Variants in TNIP3 observed in about 807,000 individuals in gnomAD.
The protein encoded by TNIP3 is TNFAIP3 interacting protein 3.
In TNIP3, 34 loss-of-function variants were observed where a neutral mutation model predicts 54.1. The ratio of observed to expected loss-of-function variants is 0.63; its 90% CI spans 0.48 to 0.84. The LOEUF is 0.84. TNIP3 is among the 40% of genes least tolerant of loss of function. The pLI, the probability that TNIP3 is intolerant of heterozygous loss-of-function variation, is 0.00. For synonymous variants in TNIP3, 134 were observed against 136.8 expected (o/e 0.98, Z 0.14); for missense variants, 366 against 387.6 (o/e 0.94, Z 0.47).
chr4:121,222,594 G>C (rs1255595086), intron 1 of TNIP3, among the ~76,000 whole-genome samples: 1 of 152,094 alleles, frequency 6.6e-6, no homozygotes, highest in Non-Finnish European at 1.5e-5. Context: ...GCACTATAAG[G>C]TGACTTTTCT....
intron 9 of TNIP3, among the ~76,000 whole-genome samples, 197 bp downstream of exon 9, chr4:121,141,619 G>T (rs77461353): frequency 0.021 from 3,225 of 152,144 alleles, 76 homozygotes; most frequent in Admixed American, 0.034. Flanking sequence ...TAATTTATTC[G>T]TATCTATGTG....
intron 7 of TNIP3, among the ~76,000 whole-genome samples, chr4:121,143,580 G>C (rs966810253): frequency 6.6e-6 from 1 of 152,114 alleles, no homozygotes; most frequent in Non-Finnish European, 1.5e-5. Flanking sequence ...GGCAATTCTT[G>C]CTGCTTGTGG....
chr4:121,147,872 AG>A (rs1729521856), intron 6 of TNIP3, among the ~76,000 whole-genome samples: 1 of 152,246 alleles, frequency 6.6e-6, no homozygotes, highest in South Asian at 2.1e-4. Flanking sequence ...TTTTAACTAA[AG>A]GTTTATCAAT....
At chr4:121,169,735 C>T (rs1163331224) in intron 3 of TNIP3, among the ~76,000 whole-genome samples, 1 of 152,138 alleles carries the variant, frequency 6.6e-6, no homozygotes, top group Non-Finnish European at 1.5e-5. Flanking sequence ...AGTAAATCAC[C>T]TCTCTTTGAT....
intron 3 of TNIP3, among the ~76,000 whole-genome samples, chr4:121,174,596 T>A (rs1035052989): frequency 6.6e-6 from 1 of 152,008 alleles, no homozygotes; most frequent in African/African-American, 2.4e-5. Context: ...GCCTAAAAAA[T>A]TGCAAACATT....
intron 7 of TNIP3, among the ~76,000 whole-genome samples, chr4:121,145,408 T>C (rs1729369360): frequency 6.6e-6 from 1 of 152,108 alleles, no homozygotes; most frequent in Admixed American, 6.5e-5. Context: ...AATTATACCA[T>C]ACTGCATTTA....
intron 3 of TNIP3, among the ~76,000 whole-genome samples, chr4:121,178,386 G>A (rs1560672692): frequency 6.6e-6 from 1 of 152,168 alleles, no homozygotes; most frequent in Admixed American, 6.5e-5. Flanking sequence ...CTGACCCTCC[G>A]GCAAACACTG....
In TNIP3 at chr4:121,212,811, TAG is replaced by T. The variant is rs144496210; in HGVS notation, c.68+3602_68+3603del. 7.8e-3 allele frequency among the ~76,000 whole-genome samples: 1,188 copies of T among 152,282 alleles called. 18 individuals are homozygous for T. The highest frequency in any genetic ancestry group is 0.027 in the African/African-American group (1,130 of 41,546). ...TCTGCCTTTCCAGAATAGTTTAATT[TAG>T]AGTCAGGTAAGAAGGGGGTTAAAAA... On this transcript the variant is annotated intron_variant, in intron 2 of 12. Coordinates refer to the TNIP3 transcript ENST00000507879.
Position 121,164,079 on chromosome 4 carries a change from C to A in TNIP3, c.47G>T (p.Ser16Ile). 1 of 1,613,724 alleles carries A rather than the reference C, an allele frequency of 6.2e-7. No homozygotes were observed. The highest frequency in any genetic ancestry group is 8.5e-7 in the Non-Finnish European group (1 of 1,179,744). ...TCTTACCTCTTTATGCTCCGTAGAA[C>A]TTTCTGCGGCAATCATTCTAGATGT... ...QGTSRMIAAESSTEHKECAEP... is the reference protein window; with the variant it reads ...QGTSRMIAAEISTEHKECAEP... Residue 16 changes from serine to isoleucine, a missense_variant, in exon 1 of 11, where the codon AGT (serine) becomes ATT (isoleucine). Transcript: ENST00000057513.
intron 10 of TNIP3, chr4:121,137,597 T>C (rs1453518113): frequency 1.6e-5 from 3 of 182,774 alleles, no homozygotes; most frequent in Non-Finnish European, 3.5e-5. Context: ...CAGGCTCCAT[T>C]CACATAGAGT....
At chr4:121,215,392 A>G (rs1198092127) in intron 2 of TNIP3, among the ~76,000 whole-genome samples, 1 of 152,204 alleles carries the variant, frequency 6.6e-6, no homozygotes, top group Non-Finnish European at 1.5e-5. Flanking sequence ...TTGTCTTTAT[A>G]AACAGAAATA....
chr4:121,132,750 G>T, intron 10 of TNIP3, 88 bp from the exon 11 acceptor site: 2 of 1,142,828 alleles, frequency 1.8e-6, no homozygotes, highest in Non-Finnish European at 1.2e-6. Context: ...AAAGTTCCAG[G>T]ATGGCAAAAA....
At chr4:121,160,910 A>C (rs929791616) in intron 2 of TNIP3, among the ~76,000 whole-genome samples, 1 of 152,198 alleles carries the variant, frequency 6.6e-6, no homozygotes, top group Non-Finnish European at 1.5e-5. Flanking sequence ...CAGACTTATG[A>C]CTTTGTCGTT....
chr4:121,183,057 G>C (rs1724806255), intron 2 of TNIP3, among the ~76,000 whole-genome samples: 1 of 152,184 alleles, frequency 6.6e-6, no homozygotes, highest in South Asian at 2.1e-4. Context: ...GGCAAGAATT[G>C]AATCGAACAC....
chr4:121,196,876 T>A (rs1432897954), intron 2 of TNIP3, among the ~76,000 whole-genome samples: 1 of 152,084 alleles, frequency 6.6e-6, no homozygotes, highest in Non-Finnish European at 1.5e-5. Context: ...AGATACATAC[T>A]GTTTTATATT....
intron 3 of TNIP3, among the ~76,000 whole-genome samples, chr4:121,173,697 T>C (rs866727046): frequency 5.9e-5 from 9 of 152,146 alleles, no homozygotes; most frequent in African/African-American, 2.2e-4. Flanking sequence ...GGTGAGAACT[T>C]GGCTCACTGA....
intron 10 of TNIP3, among the ~76,000 whole-genome samples, chr4:121,135,128 T>C (rs550229322): frequency 6.6e-6 from 1 of 152,236 alleles, no homozygotes; most frequent in Non-Finnish European, 1.5e-5. Context: ...TGTGCCACCA[T>C]GTCCTGTCAC....
chr4:121,161,247 A>G (rs1382809219), intron 1 of TNIP3, 31 bp from the exon 2 acceptor site: 1 of 1,526,616 alleles, frequency 6.6e-7, no homozygotes, highest in Non-Finnish European at 8.8e-7. Context: ...GAAGATTGAA[A>G]CAAAGCTGTT....
At chr4:121,173,265 T>G (rs1168120200) in intron 3 of TNIP3, among the ~76,000 whole-genome samples, 1 of 152,176 alleles carries the variant, frequency 6.6e-6, no homozygotes, top group Non-Finnish European at 1.5e-5. Context: ...GAATTAAGCG[T>G]TTTTGAGGGA....
Sources: gnomAD v4.1 joint callset for allele counts (sites outside exome capture counted in the v4.1 genomes callset) on GRCh38, gnomAD v4.1.1 for gene constraint, MANE v1.5 for transcripts, NCBI Gene and HGNC (gene_info 2026-07-23, HGNC 2026-07-21) for gene names.